The following HIVEP2 variants were observed in gnomAD, a reference collection of about 807,000 sequenced individuals.
The protein encoded by HIVEP2 is HIVEP zinc finger 2.
In HIVEP2, 14 loss-of-function variants were observed where a neutral mutation model predicts 180.7. That is an observed-to-expected ratio of 0.08 (90% confidence interval 0.05 to 0.12). HIVEP2 has a LOEUF of 0.12. Ranked by LOEUF, HIVEP2 falls within the 10% of genes least tolerant of loss-of-function variation. The pLI, the probability that HIVEP2 is intolerant of heterozygous loss-of-function variation, is 1.00. For synonymous variants in HIVEP2, 1,184 were observed against 1,136.4 expected, an observed-to-expected ratio of 1.04 and a Z score of -0.84; for missense variants, 2,579 against 3,008.5, an observed-to-expected ratio of 0.86 and a Z score of 3.34.
At chr6:142,777,648 CAAAAAAAAAAAAAAAAAAAAAAAAAAA>C (rs58304452) in intron 3 of HIVEP2, among the ~76,000 whole-genome samples, 1 of 27,674 alleles carries the variant, frequency 3.6e-5, no homozygotes, top group Non-Finnish European at 5.7e-5. Flanking sequence ...AACTCCATCT[CAAAAAAAAAAAAAAAAAAAAAAAAAAA>C]AAAAAAAAAA....
intron 2 of HIVEP2, among the ~76,000 whole-genome samples, chr6:142,805,930 C>T (rs1316096823): frequency 6.6e-6 from 1 of 152,146 alleles, no homozygotes; most frequent in African/African-American, 2.4e-5. Context: ...ACATCATCTC[C>T]GTCTGCCCTG....
At chr6:142,827,432 G>C (rs899160111) in intron 2 of HIVEP2, among the ~76,000 whole-genome samples, 2 of 152,204 alleles carry the variant, frequency 1.3e-5, no homozygotes, top group African/African-American at 4.8e-5. Flanking sequence ...GTGTGACAAA[G>C]TACGCCTGCA....
rs57458259 is a variant in HIVEP2 at position 142,785,309 on chromosome 6, C to CAAAAAAAAAAAAAAAAAAA, written c.-527-1713_-527-1695dup. 1.8e-4 allele frequency among the ~76,000 whole-genome samples: 12 copies of CAAAAAAAAAAAAAAAAAAA among 65,396 alleles called. 3 individuals carry two copies. The highest frequency in any genetic ancestry group is 5.3e-4 in the Admixed American group (2 of 3,782). The allele number at this position is 65,396 out of a possible 152,430, so 42.9% of individuals were successfully genotyped here. On this transcript the variant is annotated intron_variant, in intron 2 of 9. Coordinates refer to ENST00000367603, the MANE Select transcript of HIVEP2 (RefSeq NM_006734.4). ...GGCTAAAGTAAAGCATGGCATTCCTCAAAAAAAAAAAAAAAAAAAAAAAAA... is the reference window on the plus strand; with the variant it reads ...GGCTAAAGTAAAGCATGGCATTCCTCAAAAAAAAAAAAAAAAAAAAAAAAAAAAAAAAAAAAAAAAAAAA...
intron 2 of HIVEP2, among the ~76,000 whole-genome samples, chr6:142,791,695 T>C (rs1211346144): frequency 6.6e-6 from 1 of 152,126 alleles, no homozygotes; most frequent in African/African-American, 2.4e-5. Context: ...TTTCTTTGAG[T>C]TTGAATCCAG....
chr6:142,822,850 T>A (rs1398563988), intron 2 of HIVEP2, among the ~76,000 whole-genome samples: 4 of 152,176 alleles, frequency 2.6e-5, no homozygotes, highest in African/African-American at 9.7e-5. Flanking sequence ...GAACACTTAT[T>A]GACTTGGAAA....
chr6:142,868,196 A>C (rs1776191387), intron 1 of HIVEP2, among the ~76,000 whole-genome samples: 1 of 152,194 alleles, frequency 6.6e-6, no homozygotes, highest in Admixed American at 6.6e-5. Context: ...TGAAGGGTCA[A>C]GAGGGTAGCA....
At chr6:142,872,591 G>C (rs573029490) in intron 1 of HIVEP2, among the ~76,000 whole-genome samples, 1 of 152,248 alleles carries the variant, frequency 6.6e-6, no homozygotes, top group Admixed American at 6.5e-5. Flanking sequence ...GAGCTCACCC[G>C]GAAGAAAACC....
At chr6:142,870,952 C>T (rs114842115) in intron 1 of HIVEP2, among the ~76,000 whole-genome samples, 1,754 of 152,282 alleles carry the variant, frequency 0.012, 34 homozygotes, top group African/African-American at 0.04. Flanking sequence ...AATTACCATA[C>T]CATATAGATA....
At chr6:142,877,295 A>G (rs1776467592) in intron 1 of HIVEP2, among the ~76,000 whole-genome samples, 1 of 152,190 alleles carries the variant, frequency 6.6e-6, no homozygotes, top group Non-Finnish European at 1.5e-5. Flanking sequence ...GCCCTCTTTA[A>G]TTATTCAAGT....
chr6:142,929,977 T>C (rs535800327), intron 1 of HIVEP2, among the ~76,000 whole-genome samples: 2 of 152,210 alleles, frequency 1.3e-5, no homozygotes, highest in South Asian at 4.1e-4. Context: ...AAATTTTCAC[T>C]CTTCTCTAAC....
chr6:142,884,675 A>T (rs1396581198), intron 1 of HIVEP2, among the ~76,000 whole-genome samples: 2 of 152,152 alleles, frequency 1.3e-5, no homozygotes, highest in East Asian at 3.9e-4. Flanking sequence ...AGGAAGAGAA[A>T]GAAAAGGAGG....
chr6:142,912,401 A>G (rs143713716), intron 1 of HIVEP2, among the ~76,000 whole-genome samples: 1 of 152,172 alleles, frequency 6.6e-6, no homozygotes, highest in African/African-American at 2.4e-5. Flanking sequence ...TAGAATTCAT[A>G]TATTTCTCCT....
intron 1 of HIVEP2, among the ~76,000 whole-genome samples, chr6:142,842,801 T>A (rs1244950639): frequency 6.6e-6 from 1 of 151,406 alleles, no homozygotes; most frequent in Non-Finnish European, 1.5e-5. Context: ...AGTATAAGAT[T>A]TTTTTTTAAA....
chr6:142,901,077 A>AT (rs1562284649), intron 1 of HIVEP2, among the ~76,000 whole-genome samples: 1 of 152,092 alleles, frequency 6.6e-6, no homozygotes, highest in African/African-American at 2.4e-5. Context: ...CTCTATTTAT[A>AT]TTTTTTTACT....
intron 1 of HIVEP2, among the ~76,000 whole-genome samples, chr6:142,873,551 A>T (rs1776350884): frequency 6.6e-6 from 1 of 152,342 alleles, no homozygotes; most frequent in Non-Finnish European, 1.5e-5. Context: ...ACATTATTTG[A>T]AAACAATTAA....
chr6:142,931,654 C>A (rs1166690347), intron 1 of HIVEP2, among the ~76,000 whole-genome samples: 1 of 152,140 alleles, frequency 6.6e-6, no homozygotes, highest in Non-Finnish European at 1.5e-5. Context: ...AACATGTCTT[C>A]TATGCAAAAT....
chr6:142,753,868 A>G lies in HIVEP2; in HGVS notation c.6580T>C (p.Tyr2194His), dbSNP rs1774995097. The G allele has an allele frequency of 1.2e-6, 2 of 1,613,544 alleles. No homozygotes were observed. Among genetic ancestry groups the G allele is most frequent in the Middle Eastern group, 1.6e-4 (1 of 6,082 alleles). Residue 2194 changes from tyrosine (Y) to histidine (H), a missense_variant, in exon 10 of 10, where the codon TAT becomes CAT. Tyr to His is a moderately conservative substitution (Grantham distance 83). Coordinates refer to ENST00000367603, the MANE Select transcript of HIVEP2 (RefSeq NM_006734.4). ...AAAAGGCTGGAGCCTGGATGTTCAT[A>G]AGCACCTTCTTGGTCTCCATAGAGA... Reference protein sequence around the residue: ...FSLYGDQEGAYEHPGSSLFPE... With the variant: ...FSLYGDQEGAHEHPGSSLFPE...
At position 142,943,296 on chromosome 6, in the gene HIVEP2, T is replaced by C. The variant is rs1248821724; in HGVS notation, c.-641+1803A>G. Among the ~76,000 whole-genome samples, 1 of 152,226 alleles carries C rather than the reference T, an allele frequency of 6.6e-6. No individual in the cohort carries two copies. The highest frequency in any genetic ancestry group is 1.5e-5 in the Non-Finnish European group (1 of 68,032). The stretch of plus-strand genomic sequence containing the variant: ...GGTGAAAAAGCAATGAGACATTTGC[T>C]ACATATGTAGCAAACATATGGGATC... On this transcript the variant is annotated intron_variant, in intron 1 of 9. Coordinates refer to ENST00000367603, the MANE Select transcript of HIVEP2 (RefSeq NM_006734.4). The surrounding 1 kb of genome is among the most constrained non-coding windows in gnomAD (Gnocchi z 4.5).
intron 1 of HIVEP2, among the ~76,000 whole-genome samples, chr6:142,935,710 C>T (rs1291009639): frequency 6.6e-6 from 1 of 152,120 alleles, no homozygotes; most frequent in Non-Finnish European, 1.5e-5. Flanking sequence ...GGACCGTAAG[C>T]TTCTTGAGAA....
Sources: gnomAD v4.1 joint callset for allele counts (sites outside exome capture counted in the v4.1 genomes callset) on GRCh38, gnomAD v4.1.1 for gene constraint, Gnocchi (gnomAD v3.1) non-coding constraint, MANE v1.5 for transcripts, NCBI Gene and HGNC (gene_info 2026-07-23, HGNC 2026-07-21) for gene names.